DUOX2: variants seen among roughly 807,000 people sequenced by gnomAD.
DUOX2 encodes the protein NADH/NADPH thyroid oxidase p138-tox.
DUOX2 carries 185 observed loss-of-function variants against 183.3 expected under a neutral mutation model. The ratio of observed to expected loss-of-function variants is 1.01; its 90% CI spans 0.90 to 1.14. The LOEUF is 1.14. Ranked by LOEUF, DUOX2 falls within the 50% of genes most tolerant of loss-of-function variation. The probability of loss-of-function intolerance (pLI) is 0.00; values close to 1 mark genes in which losing one functional copy is unlikely to be tolerated. For missense variants in DUOX2, 1,999 were observed against 2,022.9 expected, an observed-to-expected ratio of 0.99 and a Z score of 0.23; for synonymous variants, 788 against 812.4, an observed-to-expected ratio of 0.97 and a Z score of 0.51.
Position 45,100,035 on chromosome 15 carries a change from G to C in DUOX2, c.3184+15C>G. The C allele has an allele frequency of 6.2e-7, 1 of 1,614,236 alleles. No individual in the cohort carries two copies. ...GCCTGCTCCCTACCCACTGCCCACA[G>C]CCTGGAACTCTTACAGTAAGCACGA... On this transcript the variant is annotated intron_variant, in intron 24 of 33. Coordinates refer to ENST00000389039, the MANE Select transcript of DUOX2 (RefSeq NM_001363711.2).
In DUOX2 at chr15:45,099,730, CG is replaced by C. The variant is rs1566972733; in HGVS notation, c.3346del (p.Arg1116AlafsTer54). ...ITFLRETFLN[R>X]YVPFDAAVDF... ...CACTGCGGCATCAAAAGGCACATAG[CG>C]GTTGAGGAAAGTCTCTCGCAGGAAG... On this transcript the variant is annotated frameshift_variant, in exon 25 of 34. Coordinates refer to ENST00000389039, the MANE Select transcript of DUOX2 (RefSeq NM_001363711.2). LOFTEE classifies it high-confidence loss of function. The C allele has an allele frequency of 6.2e-7, 1 of 1,614,148 alleles. No homozygotes were observed. Among genetic ancestry groups the C allele is most frequent in the East Asian group, 2.2e-5 (1 of 44,878 alleles).
At position 45,101,950 on chromosome 15, in the gene DUOX2, G is replaced by T; in HGVS notation, c.2694C>A (p.Ala898=). The part of the protein sequence containing the change: ...IEISNNCLSK[A]QLAEVVESMF... ...TAGACTCCACCACCTCGGCCAGCTG[G>T]GCCTTGGACAGGCAGTTGTTGGAGA... The change falls in exon 21 of 34, where the codon GCC becomes GCA. Residue 898 remains alanine (A), a synonymous_variant. Transcript: ENST00000389039. 6.2e-7 allele frequency: 1 copy of T among 1,614,202 alleles called. No individual in the cohort carries two copies.
intron 21 of DUOX2, 24 bp downstream of exon 21, chr15:45,101,769 G>A (rs374057666): frequency 4.2e-5 from 67 of 1,613,932 alleles, no homozygotes; most frequent in African/African-American, 9.3e-5. Context: ...CCTCCCTGAC[G>A]CCAACCATTC....
chr15:45,105,889 C>T (rs1279837666), intron 17 of DUOX2, 61 bp from the exon 18 acceptor site: 11 of 1,601,094 alleles, frequency 6.9e-6, no homozygotes, highest in Non-Finnish European at 9.4e-6. Context: ...CTTCAGCCTC[C>T]CCTCAATGGA....
At chr15:45,100,364 TG>T in intron 23 of DUOX2, 136 bp from the exon 24 acceptor site, 1 of 782,798 alleles carries the variant, frequency 1.3e-6, no homozygotes, top group South Asian at 1.8e-5. Flanking sequence ...AAAAGCAATC[TG>T]GGGGCTTCTT....
intron 20 of DUOX2, among the ~76,000 whole-genome samples, chr15:45,102,449 G>T (rs1894107789): frequency 6.6e-6 from 1 of 152,174 alleles, no homozygotes; most frequent in African/African-American, 2.4e-5. Flanking sequence ...AACACCCCGG[G>T]GCACAGGCGG....
rs1278042099 is a variant in DUOX2, at chr15:45,095,673, G to A, written c.4081-78C>T. 2.5e-6 allele frequency: 4 copies of A among 1,602,174 alleles called. No individual in the cohort carries two copies. In the East Asian group the frequency reaches 9.0e-5, roughly 36 times the overall value. On this transcript the variant is annotated intron_variant, in intron 30 of 33. Coordinates refer to ENST00000389039, the MANE Select transcript of DUOX2 (RefSeq NM_001363711.2). ...ACCAGAAACGGAGACACAGGCAGAG[G>A]GAGGATACAGAACATCCTAGTCTTT...
chr15:45,106,489 C>T (rs199935584), intron 16 of DUOX2, 39 bp downstream of exon 16: 195 of 1,607,832 alleles, frequency 1.2e-4, no homozygotes, highest in Admixed American at 5.2e-4. Flanking sequence ...CTCTCCCCTC[C>T]TCCGTCCCTC....
intron 17 of DUOX2, 79 bp from the exon 18 acceptor site, chr15:45,105,907 T>G: frequency 6.3e-7 from 1 of 1,578,514 alleles, no homozygotes; most frequent in South Asian, 1.1e-5. Flanking sequence ...GGATCTTGGG[T>G]TGAGGGGAGG....
intron 15 of DUOX2, 90 bp from the exon 16 acceptor site, chr15:45,106,731 T>C (rs1894224765): frequency 2.5e-6 from 4 of 1,609,208 alleles, no homozygotes; most frequent in Non-Finnish European, 3.4e-6. Flanking sequence ...TTCCAGAGGT[T>C]CCTTGAGCCT....
chr15:45,095,220 G>A (rs1352715285), intron 31 of DUOX2, 129 bp from the exon 32 acceptor site: 9 of 1,429,806 alleles, frequency 6.3e-6, no homozygotes, highest in Non-Finnish European at 8.5e-6. Context: ...GGACCCACCA[G>A]CCTGATCCCA....
intron 13 of DUOX2, 31 bp downstream of exon 13, chr15:45,108,016 A>G: frequency 1.2e-6 from 2 of 1,613,644 alleles, no homozygotes; most frequent in Admixed American, 1.7e-5. Flanking sequence ...GCTGAGGAGC[A>G]GTCTGAGGTG....
chr15:45,106,062 C>T, intron 17 of DUOX2, 63 bp downstream of exon 17: 2 of 1,588,546 alleles, frequency 1.3e-6, no homozygotes, highest in Non-Finnish European at 1.7e-6. Context: ...ATAGGGTGGC[C>T]TCGCTTGTGA....
rs982229338 is a variant in DUOX2 at position 45,092,945 on chromosome 15, G to C, written c.*1205C>G. 5.3e-5 allele frequency: 8 copies of C among 152,174 alleles called. No homozygotes were observed. Among genetic ancestry groups the C allele is most frequent in the South Asian group, 2.1e-4 (1 of 4,824 alleles). 9.4% of individuals were successfully genotyped at this position (152,174 alleles called of 1,614,324 possible). A position where few individuals can be genotyped will look rare whatever the true frequency, so the allele number is the denominator to read the frequency against. Reference sequence around the variant, plus strand: ...GGAGCTAGGGGAGACGAAGTGGAAGGGGGTACAAGGGGAGTTTCTGGGGTG... The same window carrying C: ...GGAGCTAGGGGAGACGAAGTGGAAGCGGGTACAAGGGGAGTTTCTGGGGTG... On this transcript the variant is annotated 3_prime_UTR_variant, in exon 34 of 34. Transcript: ENST00000389039.
intron 16 of DUOX2, 94 bp from the exon 17 acceptor site, chr15:45,106,421 A>G (rs1157388536): frequency 6.3e-7 from 1 of 1,584,162 alleles, no homozygotes; most frequent in African/African-American, 1.3e-5. Flanking sequence ...CAGGCGCCCT[A>G]AAGGTGCCTT....
At chr15:45,113,559 G>C in intron 1 of DUOX2, 134 bp from the exon 2 acceptor site, 1 of 730,802 alleles carries the variant, frequency 1.4e-6, no homozygotes, top group Non-Finnish European at 2.4e-6. Context: ...GAAGGTAGCT[G>C]TTAGAAGCAT....
chr15:45,111,264 C>T lies in DUOX2; in HGVS notation c.729G>A (p.Glu243=). Residue 243 remains glutamate (E), a synonymous_variant, in exon 7 of 34, where the codon GAG becomes GAA. Coordinates refer to ENST00000389039, the MANE Select transcript of DUOX2 (RefSeq NM_001363711.2). ...GCAGGAAGGGTTCCCGGTTCCCTCT[C>T]TCTGCCCCGAAGGCTGCATCCGACG... The part of the protein sequence containing the change: ...GPRGLYAFGA[E]RGNREPFLQA... 2 of 1,371,806 alleles carry T rather than the reference C, an allele frequency of 1.5e-6. No individual in the cohort carries two copies. Among genetic ancestry groups the T allele is most frequent in the Non-Finnish European group, 1.9e-6 (2 of 1,025,946 alleles). 85.0% of individuals were successfully genotyped at this position (1,371,806 alleles called of 1,614,324 possible). A position where few individuals can be genotyped will look rare whatever the true frequency, so the allele number is the denominator to read the frequency against.
chr15:45,103,765 A>G (rs1894142456), intron 20 of DUOX2, among the ~76,000 whole-genome samples, 195 bp downstream of exon 20: 2 of 151,952 alleles, frequency 1.3e-5, no homozygotes, highest in Admixed American at 1.3e-4. Flanking sequence ...GTCCAGACAG[A>G]GACTCTCCCA....
chr15:45,105,507 C>A (rs1046008439), intron 18 of DUOX2, 136 bp downstream of exon 18: 7 of 1,092,106 alleles, frequency 6.4e-6, no homozygotes, highest in Non-Finnish European at 9.6e-6. Flanking sequence ...AGTGGCAATG[C>A]CAGGATTCAA....
Sources: allele counts gnomAD v4.1 joint callset (sites outside exome capture counted in the v4.1 genomes callset), GRCh38; gene constraint gnomAD v4.1.1; transcripts MANE v1.5; gene names NCBI Gene and HGNC (gene_info 2026-07-23, HGNC 2026-07-21).